TAF8: variants seen among roughly 807,000 people sequenced by gnomAD.
The protein encoded by TAF8 is TATA-box binding protein associated factor 8.
A neutral mutation model predicts 36.5 loss-of-function variants in TAF8; 47 were observed. That is an observed-to-expected ratio of 1.29 (90% CI 1.02 to 1.64). TAF8 has a LOEUF of 1.64. Among genes scored for constraint, TAF8 ranks in the 40% most tolerant of loss-of-function variants. TAF8 has a pLI of 0.00. For synonymous variants in TAF8, 175 were observed against 159.5 expected (o/e 1.10, Z -0.73); for missense variants, 420 against 407.6 (o/e 1.03, Z -0.26).
chr6:42,074,974 G>A (rs1765694823), intron 7 of TAF8, among the ~76,000 whole-genome samples: 1 of 152,076 alleles, frequency 6.6e-6, no homozygotes, highest in African/African-American at 2.4e-5. Flanking sequence ...GAGCCACGGT[G>A]GGCCGAATGG....
At position 42,078,153 on chromosome 6, in the gene TAF8, G is replaced by T. The variant is rs543983075; in HGVS notation, c.*608G>T. ...TGATAACCCGCCTCGGCCTCCCAAA[G>T]TGCTGAGATTACAGGCGTGAGCCAC... On this transcript the variant is annotated 3_prime_UTR_variant, in exon 9 of 9. Transcript: ENST00000372977. The T allele has an allele frequency of 1.1e-5, 11 of 973,236 alleles. No individual in the cohort carries two copies. The African/African-American group carries it at 1.9e-4, about 17-fold the overall frequency. 60.3% of individuals were successfully genotyped at this position (973,236 alleles called of 1,614,324 possible).
At chr6:42,074,928 T>G (rs565559244) in intron 7 of TAF8, among the ~76,000 whole-genome samples, 2 of 151,902 alleles carry the variant, frequency 1.3e-5, no homozygotes, top group East Asian at 3.9e-4. Context: ...CTATGAGGCC[T>G]GCTTGGGAGA....
chr6:42,051,493 T>C lies in TAF8; in HGVS notation c.182T>C (p.Leu61Pro), dbSNP rs1436547498. The change falls in exon 2 of 9, where the codon CTG (leucine) becomes CCG (proline). Residue 61 changes from leucine to proline, a missense_variant. Transcript: ENST00000372977. ...GCCGAGAAAGCATCCGTGGAAACGC[T>C]GACAGAGATGCTGCAGAGCTGTGAG... ...ESAEKASVET[L>P]TEMLQSYISE... 1.2e-6 allele frequency: 2 copies of C among 1,614,060 alleles called. No individual in the cohort carries two copies. Among genetic ancestry groups the C allele is most frequent in the Non-Finnish European group, 1.7e-6 (2 of 1,180,000 alleles).
At chr6:42,075,755 G>A (rs906009881) in intron 7 of TAF8, among the ~76,000 whole-genome samples, 1 of 152,192 alleles carries the variant, frequency 6.6e-6, no homozygotes, top group Non-Finnish European at 1.5e-5. Flanking sequence ...ATAAAGACAG[G>A]ATAACTGACT....
chr6:42,050,798 G>A (rs1401616002), intron 1 of TAF8: 4 of 896,256 alleles, frequency 4.5e-6, no homozygotes, highest in African/African-American at 3.5e-5. Flanking sequence ...CTCGTTCGCT[G>A]TTGGGGGTTG....
chr6:42,057,513 G>A lies in TAF8; in HGVS notation c.489G>A (p.Pro163=), dbSNP rs554917914. Residue 163 remains proline, a splice_region_variant and synonymous_variant, in exon 5 of 9, where the codon CCG becomes CCA. Transcript: ENST00000372977. ...ATCCCCACACCTACATCAAAACTCC[G>A]GTGAGTGATGAAGCACTGGGACTGC... ...FPDPHTYIKT[P]TYREPVSDYQ... The A allele has an allele frequency of 3.7e-5, 60 of 1,614,102 alleles. No individual in the cohort carries two copies. The highest frequency in any genetic ancestry group is 7.7e-5 in the South Asian group (7 of 91,082).
chr6:42,075,925 A>C (rs371202504), intron 7 of TAF8, among the ~76,000 whole-genome samples: 1 of 152,322 alleles, frequency 6.6e-6, no homozygotes, highest in South Asian at 2.1e-4. Context: ...TGAACAGTAA[A>C]GCGGCCGGGC....
chr6:42,068,904 A>C (rs1765458930), intron 7 of TAF8, among the ~76,000 whole-genome samples: 1 of 152,100 alleles, frequency 6.6e-6, no homozygotes, highest in Non-Finnish European at 1.5e-5. Flanking sequence ...AAAAATAATA[A>C]ATGAGGAGAT....
chr6:42,058,848 A>G (rs1039167429), intron 5 of TAF8, among the ~76,000 whole-genome samples: 24 of 152,054 alleles, frequency 1.6e-4, no homozygotes, highest in Admixed American at 1.1e-3. Context: ...GCCTCTTCCT[A>G]GCTTCTGGTG....
In TAF8 at chr6:42,055,648, T is replaced by G; in HGVS notation, c.301+19T>G. On this transcript the variant is annotated intron_variant, in intron 3 of 8. Transcript: ENST00000372977. Reference sequence around the variant, plus strand: ...GAGATGGGTGAGTATACCTTCAGTTTCCAGTTCTTCGATGCAACTGGGAGA... The same window carrying G: ...GAGATGGGTGAGTATACCTTCAGTTGCCAGTTCTTCGATGCAACTGGGAGA... The G allele has an allele frequency of 6.3e-7, 1 of 1,582,498 alleles. No individual in the cohort carries two copies. Among genetic ancestry groups the G allele is most frequent in the African/African-American group, 1.3e-5 (1 of 74,446 alleles).
At position 42,077,292 on chromosome 6, in the gene TAF8, T is replaced by C. The variant is rs7748621; in HGVS notation, c.920+53T>C. The C allele has an allele frequency of 1.3e-4, 212 of 1,574,284 alleles. 1 individual carries two copies. In the African/African-American group the frequency reaches 2.6e-3, roughly 19 times the overall value. ...CCTTCACTGTCCCACCGAGGTGGTC[T>C]TCTCTGCTTCTTGGAAGAGTCTCCT... is the stretch of plus-strand genomic sequence containing the variant. On this transcript the variant is annotated intron_variant, in intron 8 of 8. Transcript: ENST00000372977.
chr6:42,060,340 T>C (rs1765148101), intron 5 of TAF8, among the ~76,000 whole-genome samples: 1 of 152,248 alleles, frequency 6.6e-6, no homozygotes, highest in Non-Finnish European at 1.5e-5. Context: ...TACAACTGAT[T>C]TGTTTACAAA....
At chr6:42,062,280 T>G (rs1765215152) in intron 5 of TAF8, among the ~76,000 whole-genome samples, 1 of 152,112 alleles carries the variant, frequency 6.6e-6, no homozygotes, top group Non-Finnish European at 1.5e-5. Flanking sequence ...CCCTTTACAA[T>G]TTTCCACCAA....
chr6:42,069,437 C>T (rs760716269), intron 7 of TAF8, among the ~76,000 whole-genome samples: 135 of 152,256 alleles, frequency 8.9e-4, no homozygotes, highest in Non-Finnish European at 1.3e-3. Context: ...ATCATTTGGT[C>T]AGATTCTAGA....
rs1387539830 is a variant in TAF8, at chr6:42,050,556, G to C, written c.15G>C (p.Ala5=). Reference sequence around the variant, plus strand: ...GCCAGAACAAGATGGCCGACGCGGCGGCCACAGCTGGGGCCGGTGGCTCCG... The same window carrying C: ...GCCAGAACAAGATGGCCGACGCGGCCGCCACAGCTGGGGCCGGTGGCTCCG... MADA[A]ATAGAGGSGT... The change falls in exon 1 of 9, where the codon GCG becomes GCC. Residue 5 remains alanine, a synonymous_variant. Coordinates refer to ENST00000372977, the MANE Select transcript of TAF8 (RefSeq NM_138572.3). 1.3e-6 allele frequency: 2 copies of C among 1,555,558 alleles called. No homozygotes were observed.
intron 7 of TAF8, among the ~76,000 whole-genome samples, chr6:42,071,687 A>G (rs1430463457): frequency 6.6e-6 from 1 of 151,712 alleles, no homozygotes; most frequent in Non-Finnish European, 1.5e-5. Flanking sequence ...CTGGGAGACC[A>G]TGGCTTTAAA....
At position 42,050,659 on chromosome 6, in the gene TAF8, C is replaced by G. The variant is rs972337231; in HGVS notation, c.45+73C>G. The G allele has an allele frequency of 2.7e-6, 4 of 1,462,652 alleles. No homozygotes were observed. The African/African-American group carries it at 4.3e-5, about 16-fold the overall frequency. 90.6% of individuals were successfully genotyped at this position (1,462,652 alleles called of 1,614,324 possible). A position where few individuals can be genotyped will look rare whatever the true frequency, so the allele number is the denominator to read the frequency against. On this transcript the variant is annotated intron_variant, in intron 1 of 8. Transcript: ENST00000372977. ...TGCAACTTTCCCCTCGACTGAGCAA[C>G]AAGATAATGCCCAGAAATTCAGCCC...
At chr6:42,052,878 G>A (rs1363095649) in intron 2 of TAF8, among the ~76,000 whole-genome samples, 2 of 152,088 alleles carry the variant, frequency 1.3e-5, no homozygotes, top group Non-Finnish European at 2.9e-5. Context: ...CAGGACCCCT[G>A]GAGCATTATT....
chr6:42,055,675 G>T (rs745809803), intron 3 of TAF8, 46 bp downstream of exon 3: 1 of 1,412,422 alleles, frequency 7.1e-7, no homozygotes, highest in South Asian at 1.1e-5. Flanking sequence ...ACTGGGAGAG[G>T]AGTCCCTAGG....
Sources: allele counts gnomAD v4.1 joint callset (sites outside exome capture counted in the v4.1 genomes callset), GRCh38; gene constraint gnomAD v4.1.1; transcripts MANE v1.5; gene names NCBI Gene and HGNC (gene_info 2026-07-23, HGNC 2026-07-21).